The following SULF1 variants were observed in gnomAD, a reference collection of about 807,000 sequenced individuals.
The protein encoded by SULF1 is sulfatase 1.
In SULF1, 46 loss-of-function variants were observed where a neutral mutation model predicts 110.5. That is an observed-to-expected ratio of 0.42 (90% CI 0.33 to 0.53). The LOEUF (loss-of-function observed/expected upper bound fraction) is 0.53. Among genes scored for constraint, SULF1 ranks in the 20% least tolerant of loss-of-function variants. The pLI is 0.12. For synonymous variants in SULF1, 371 were observed against 387.1 expected, an observed-to-expected ratio of 0.96 and a Z score of 0.49; for missense variants, 941 against 1,094.2, an observed-to-expected ratio of 0.86 and a Z score of 1.98.
At chr8:69,571,622 C>T (rs1805241294) in intron 5 of SULF1, among the ~76,000 whole-genome samples, 1 of 152,208 alleles carries the variant, frequency 6.6e-6, no homozygotes, top group Non-Finnish European at 1.5e-5. Flanking sequence ...AGGCCTGAAA[C>T]CTACAGAAGT....
At chr8:69,641,152 C>T (rs1269093519) in intron 22 of SULF1, 4 of 272,588 alleles carry the variant, frequency 1.5e-5, no homozygotes, top group East Asian at 6.2e-5. Flanking sequence ...TTGGGAGCCC[C>T]GGGAAAGGGT....
rs1371030163 is a variant in SULF1 at position 69,563,990 on chromosome 8, C to T, written c.15C>T (p.Cys5=). The change falls in exon 5 of 23, where the codon TGC becomes TGT. Residue 5 remains cysteine (C), a synonymous_variant. Transcript: ENST00000402687. ...GACCAAATACAATGAAGTATTCTTG[C>T]TGTGCTCTGGTTTTGGCTGTCCTGG... is the stretch of plus-strand genomic sequence containing the variant. The part of the protein sequence containing the change: MKYS[C]CALVLAVLGT... The T allele has an allele frequency of 6.2e-7, 1 of 1,614,172 alleles. No homozygotes were observed. The highest frequency in any genetic ancestry group is 1.1e-5 in the South Asian group (1 of 91,084).
intron 13 of SULF1, among the ~76,000 whole-genome samples, chr8:69,610,086 A>T (rs564375889): frequency 6.6e-6 from 1 of 152,348 alleles, no homozygotes; most frequent in Admixed American, 6.5e-5. Context: ...TGATAGGGCA[A>T]ATATCACATC....
intron 6 of SULF1, among the ~76,000 whole-genome samples, chr8:69,580,934 T>C (rs1013618601): frequency 5.3e-5 from 8 of 151,870 alleles, no homozygotes; most frequent in Non-Finnish European, 1.2e-4. Context: ...TTCTCTAATA[T>C]GAGATTTTTT....
chr8:69,482,288 A>C (rs1347663618), intron 1 of SULF1, among the ~76,000 whole-genome samples: 2 of 152,186 alleles, frequency 1.3e-5, no homozygotes, highest in African/African-American at 4.8e-5. Context: ...TGAAGTTTTA[A>C]GTAATTTGAT....
chr8:69,469,521 G>A (rs1376331632), intron 1 of SULF1: 2 of 152,200 alleles, frequency 1.3e-5, no homozygotes, highest in African/African-American at 2.4e-5. Flanking sequence ...ATCCATGGTA[G>A]GTTATGAGTA....
At chr8:69,631,027 T>C (rs926493630) in intron 19 of SULF1, among the ~76,000 whole-genome samples, 5 of 151,816 alleles carry the variant, frequency 3.3e-5, no homozygotes, top group Admixed American at 2.6e-4. Context: ...GTCAACATTT[T>C]TAAATGGGAC....
intron 3 of SULF1, among the ~76,000 whole-genome samples, chr8:69,540,417 AG>A (rs1297399518): frequency 6.6e-6 from 1 of 152,248 alleles, no homozygotes; most frequent in East Asian, 1.9e-4. Context: ...AAAGACAGGC[AG>A]GGCTATTATA....
At chr8:69,610,090 T>A (rs1808526691) in intron 13 of SULF1, among the ~76,000 whole-genome samples, 1 of 152,240 alleles carries the variant, frequency 6.6e-6, no homozygotes, top group African/African-American at 2.4e-5. Flanking sequence ...AGGGCAAATA[T>A]CACATCCTTT....
intron 1 of SULF1, among the ~76,000 whole-genome samples, chr8:69,493,949 C>T (rs572696475): frequency 9.9e-5 from 15 of 151,916 alleles, no homozygotes; most frequent in African/African-American, 2.9e-4. Flanking sequence ...AAGAAAGACA[C>T]AACTTCTGAA....
In SULF1 at chr8:69,589,075, C is replaced by T. The variant is rs1407025182; in HGVS notation, c.668C>T (p.Ala223Val). The T allele has an allele frequency of 8.1e-6, 13 of 1,614,046 alleles. No individual in the cohort carries two copies. Among genetic ancestry groups the T allele is most frequent in the South Asian group, 2.2e-5 (2 of 91,090 alleles). The change falls in exon 8 of 23, where the codon GCG becomes GTG. Residue 223 changes from alanine (A) to valine (V), a missense_variant. By Grantham distance (64) the Ala-to-Val change is moderately conservative. This residue lies in a region of SULF1 where 822 missense variants were observed against 934.3 expected (regional missense o/e 0.88). Transcript: ENST00000402687. ...GTTATGATGGTGATCAGCCACGCTG[C>T]GCCCCACGGCCCCGAGGACTCAGCC... ...RPVMMVISHA[A>V]PHGPEDSAPQ...
At chr8:69,603,796 G>T (rs570742575) in intron 12 of SULF1, 140 bp downstream of exon 12, 1 of 678,968 alleles carries the variant, frequency 1.5e-6, no homozygotes, top group Non-Finnish European at 2.7e-6. Context: ...ATGGTTTGCT[G>T]CTTATTCTGT....
At chr8:69,656,495 C>T (rs1812743437) in intron 22 of SULF1, among the ~76,000 whole-genome samples, 1 of 152,142 alleles carries the variant, frequency 6.6e-6, no homozygotes, top group Admixed American at 6.5e-5. Context: ...CAACAAGCCC[C>T]AGTGTTAGAT....
At chr8:69,509,596 G>A (rs530789099) in intron 3 of SULF1, among the ~76,000 whole-genome samples, 1 of 152,228 alleles carries the variant, frequency 6.6e-6, no homozygotes, top group Non-Finnish European at 1.5e-5. Flanking sequence ...TTTAATATTT[G>A]TTGATTGGCT....
intron 6 of SULF1, 152 bp from the exon 7 acceptor site, chr8:69,586,205 G>T: frequency 1.5e-6 from 1 of 655,730 alleles, no homozygotes; most frequent in Non-Finnish European, 2.4e-6. Context: ...CCAAAGGATT[G>T]GAGTATTACA....
At chr8:69,520,158 T>C (rs1446762339) in intron 3 of SULF1, among the ~76,000 whole-genome samples, 2 of 142,944 alleles carry the variant, frequency 1.4e-5, no homozygotes, top group African/African-American at 2.6e-5. Flanking sequence ...CACACACACA[T>C]CACTGTGTCT....
chr8:69,497,155 C>CT (rs5892193), intron 2 of SULF1, among the ~76,000 whole-genome samples: 28,528 of 121,484 alleles, frequency 0.23, 3,633 homozygotes, highest in Non-Finnish European at 0.28. Flanking sequence ...GTTCTTTTCT[C>CT]TTTTTTTTTT....
chr8:69,483,547 T>C (rs1285800421), intron 1 of SULF1, among the ~76,000 whole-genome samples: 1 of 152,202 alleles, frequency 6.6e-6, no homozygotes, highest in Non-Finnish European at 1.5e-5. Flanking sequence ...ATATGCCTTC[T>C]TAGCATTCTA....
chr8:69,592,388 G>T (rs142974601), intron 8 of SULF1, among the ~76,000 whole-genome samples: 1 of 152,320 alleles, frequency 6.6e-6, no homozygotes, highest in African/African-American at 2.4e-5. Context: ...AGGTGGCTCA[G>T]ACATTTCCAC....
Sources: allele counts gnomAD v4.1 joint callset (sites outside exome capture counted in the v4.1 genomes callset), GRCh38; gene constraint gnomAD v4.1.1; regional missense constraint gnomAD v4.1.1; transcripts MANE v1.5; gene names NCBI Gene and HGNC (gene_info 2026-07-23, HGNC 2026-07-21).